NAALADL2: variants seen among roughly 807,000 people sequenced by gnomAD.
The protein encoded by NAALADL2 is inactive N-acetylated-alpha-linked acidic dipeptidase-like protein 2.
A neutral mutation model predicts 87.2 loss-of-function variants in NAALADL2; 76 were observed. That is an observed-to-expected ratio of 0.87 (90% CI 0.72 to 1.05). The LOEUF is 1.05. NAALADL2 is among the 50% of genes least tolerant of loss of function. The pLI, the probability that NAALADL2 is intolerant of heterozygous loss-of-function variation, is 0.00. For synonymous variants in NAALADL2, 354 were observed against 331.0 expected (o/e 1.07, Z -0.75); for missense variants, 1,089 against 945.8 (o/e 1.15, Z -1.99).
intron 3 of NAALADL2, among the ~76,000 whole-genome samples, chr3:174,745,415 G>A (rs1297678474): frequency 6.6e-6 from 1 of 152,064 alleles, no homozygotes; most frequent in Admixed American, 6.6e-5. Flanking sequence ...TCCCTGAATA[G>A]ACCAATAAGT....
At chr3:175,167,423 G>A (rs1734162303) in intron 2 of NAALADL2, among the ~76,000 whole-genome samples, 2 of 151,952 alleles carry the variant, frequency 1.3e-5, no homozygotes, top group Admixed American at 1.3e-4. Context: ...TGCCTGACTT[G>A]GCTCTTTCTT....
chr3:174,497,161 CT>C (rs1319773336), intron 1 of NAALADL2, among the ~76,000 whole-genome samples: 1 of 151,928 alleles, frequency 6.6e-6, no homozygotes, highest in Non-Finnish European at 1.5e-5. Context: ...AGAATCATTT[CT>C]TTTTTTTATT....
At chr3:174,864,019 T>C (rs558829129) in intron 1 of NAALADL2, 2 of 454,974 alleles carry the variant, frequency 4.4e-6, no homozygotes, top group East Asian at 1.4e-4. Flanking sequence ...GAAAGTCTCA[T>C]AATCTCAAAA....
Position 175,112,764 on chromosome 3 carries a change from G to A in NAALADL2, c.545+15473G>A, listed in dbSNP as rs548195482. Among the ~76,000 whole-genome samples, 22 of 151,552 alleles carry A rather than the reference G, an allele frequency of 1.5e-4. No homozygotes were observed. In the South Asian group the frequency reaches 4.0e-3, roughly 27 times the overall value. ...ATGGATAGATCCTTTAGGAACATAC[G>A]GTCATATGAGAGTTACATAAATGTC... On this transcript the variant is annotated intron_variant, in intron 2 of 13. Transcript: ENST00000454872.
At chr3:175,743,204 TTGG>T (rs1185699617) in intron 12 of NAALADL2, among the ~76,000 whole-genome samples, 1 of 152,076 alleles carries the variant, frequency 6.6e-6, no homozygotes, top group Non-Finnish European at 1.5e-5. Flanking sequence ...TTTCACCATG[TTGG>T]CCAGGCCCTT....
intron 9 of NAALADL2, among the ~76,000 whole-genome samples, chr3:175,513,475 C>T (rs1731437527): frequency 6.6e-6 from 1 of 152,040 alleles, no homozygotes; most frequent in South Asian, 2.1e-4. Context: ...ATTAGCATAT[C>T]CAATAATGTG....
intron 13 of NAALADL2, among the ~76,000 whole-genome samples, chr3:175,761,552 T>G (rs1193403905): frequency 1.3e-5 from 2 of 151,024 alleles, no homozygotes; most frequent in Non-Finnish European, 2.9e-5. Context: ...AGTAAGCCTA[T>G]GTTTAGCTTT....
chr3:175,632,266 TTCTCTCTCTCTCTC>T (rs61458338), intron 11 of NAALADL2, among the ~76,000 whole-genome samples: 43 of 129,574 alleles, frequency 3.3e-4, no homozygotes, highest in African/African-American at 7.5e-4. Context: ...CACTTTCCCC[TTCTCTCTCTCTCTC>T]TCTCTCTCTC....
In NAALADL2 at chr3:175,645,116, A is replaced by ATTTT. The variant is rs575084906; in HGVS notation, c.1896+17739_1896+17742dup. ...TGAAATAAGACTCAGGCGAAGCTGT[A>ATTTT]TTTTTTTTTTTTCAATACCTTTCAT... On this transcript the variant is annotated intron_variant, in intron 11 of 13. Coordinates refer to ENST00000454872, the MANE Select transcript of NAALADL2 (RefSeq NM_207015.3). Among the ~76,000 whole-genome samples the ATTTT allele has an allele frequency of 4.1e-3, 595 of 146,496 alleles. 2 individuals are homozygous for ATTTT. Among genetic ancestry groups the ATTTT allele is most frequent in the African/African-American group, 0.014 (549 of 40,264 alleles).
At chr3:175,440,960 C>G (rs1044443786) in intron 5 of NAALADL2, among the ~76,000 whole-genome samples, 1 of 152,094 alleles carries the variant, frequency 6.6e-6, no homozygotes, top group African/African-American at 2.4e-5. Context: ...TATAAAGAGA[C>G]ATGTTAATCA....
chr3:174,740,518 T>C (rs1419361009), intron 3 of NAALADL2, among the ~76,000 whole-genome samples: 5 of 151,902 alleles, frequency 3.3e-5, no homozygotes, highest in African/African-American at 1.2e-4. Context: ...TGAATTAAAT[T>C]TAGAAAAATG....
At chr3:175,668,325 CCACAGAT>C (rs1236197602) in intron 11 of NAALADL2, among the ~76,000 whole-genome samples, 13 of 152,164 alleles carry the variant, frequency 8.5e-5, no homozygotes, top group African/African-American at 3.1e-4. Context: ...TATGTCATGG[CCACAGAT>C]CTTTTTTATG....
chr3:174,953,713 G>A (rs1330175308), intron 1 of NAALADL2, among the ~76,000 whole-genome samples: 1 of 151,930 alleles, frequency 6.6e-6, no homozygotes, highest in African/African-American at 2.4e-5. Flanking sequence ...AGTGCCTACT[G>A]TGTGCCACAC....
At chr3:174,871,565 C>T (rs1181975066) in intron 1 of NAALADL2, among the ~76,000 whole-genome samples, 1 of 152,176 alleles carries the variant, frequency 6.6e-6, no homozygotes, top group African/African-American at 2.4e-5. Flanking sequence ...CTCTATACAT[C>T]TTTCTGCTGA....
At chr3:175,160,799 G>C (rs886671345) in intron 2 of NAALADL2, among the ~76,000 whole-genome samples, 11 of 151,982 alleles carry the variant, frequency 7.2e-5, no homozygotes, top group African/African-American at 2.7e-4. Flanking sequence ...TCACCATTTC[G>C]GGAGATATCA....
intron 9 of NAALADL2, among the ~76,000 whole-genome samples, chr3:175,523,837 A>C (rs1191676195): frequency 1.3e-5 from 2 of 152,184 alleles, no homozygotes; most frequent in Non-Finnish European, 2.9e-5. Flanking sequence ...GTAATTGAAA[A>C]AGTTTGCTTT....
At chr3:174,580,290 AT>A (rs1017831080) in intron 2 of NAALADL2, among the ~76,000 whole-genome samples, 1 of 152,098 alleles carries the variant, frequency 6.6e-6, no homozygotes, top group Non-Finnish European at 1.5e-5. Context: ...TTAGTTCTTA[AT>A]AATTGCTGTT....
intron 3 of NAALADL2, among the ~76,000 whole-genome samples, chr3:174,801,181 T>C (rs141101593): frequency 1.3e-5 from 2 of 152,272 alleles, no homozygotes; most frequent in African/African-American, 4.8e-5. Context: ...GGCAGAATTA[T>C]ATGGTTTGAC....
intron 10 of NAALADL2, among the ~76,000 whole-genome samples, chr3:175,604,496 G>A (rs1723416529): frequency 6.6e-6 from 1 of 151,702 alleles, no homozygotes; most frequent in Admixed American, 6.6e-5. Flanking sequence ...AGTAGAGACG[G>A]GGTTTCACCG....
Sources: gnomAD v4.1 joint callset for allele counts (sites outside exome capture counted in the v4.1 genomes callset) on GRCh38, gnomAD v4.1.1 for gene constraint, MANE v1.5 for transcripts, NCBI Gene and HGNC (gene_info 2026-07-23, HGNC 2026-07-21) for gene names.